The following CCDC3 variants were observed in gnomAD, a reference collection of about 807,000 sequenced individuals.
CCDC3 encodes the protein coiled-coil domain-containing protein 3.
CCDC3 carries 24 observed loss-of-function variants against 21.4 expected under a neutral mutation model. The ratio of observed to expected loss-of-function variants is 1.12; its 90% CI spans 0.81 to 1.58. CCDC3 has a LOEUF of 1.58. Among genes scored for constraint, CCDC3 ranks in the 40% most tolerant of loss-of-function variants. The pLI is 0.00. For missense variants in CCDC3, 425 were observed against 360.9 expected, an observed-to-expected ratio of 1.18 and a Z score of -1.44; for synonymous variants, 186 against 166.0, an observed-to-expected ratio of 1.12 and a Z score of -0.93.
chr10:13,085,347 T>C (rs970060303), intron 3 of CCDC3, among the ~76,000 whole-genome samples: 2 of 152,184 alleles, frequency 1.3e-5, no homozygotes, highest in African/African-American at 4.8e-5. Flanking sequence ...ATGCCAGAAA[T>C]AGAAATGGCT....
chr10:13,074,629 T>C (rs2131442905), intron 3 of CCDC3, among the ~76,000 whole-genome samples: 2 of 152,012 alleles, frequency 1.3e-5, no homozygotes, highest in African/African-American at 4.8e-5. Context: ...ACTTTCTCCT[T>C]ACCCTTGTTA....
chr10:12,928,939 AG>A (rs1266418187), intron 2 of CCDC3, among the ~76,000 whole-genome samples: 1 of 152,128 alleles, frequency 6.6e-6, no homozygotes, highest in Non-Finnish European at 1.5e-5. Flanking sequence ...CCTGGAGGTA[AG>A]GGTCTGGGCA....
intron 4 of CCDC3, among the ~76,000 whole-genome samples, chr10:13,062,625 G>A (rs1256225027): frequency 2.0e-5 from 3 of 152,124 alleles, no homozygotes; most frequent in Non-Finnish European, 4.4e-5. Flanking sequence ...TCGTTCCTGG[G>A]GGTAGGCTGA....
intron 2 of CCDC3, among the ~76,000 whole-genome samples, chr10:12,933,931 TTTCA>T (rs1382828014): frequency 6.8e-6 from 1 of 147,996 alleles, no homozygotes; most frequent in Non-Finnish European, 1.5e-5. Context: ...CTGTTTTCAC[TTTCA>T]TTGATTTCTT....
Position 12,940,772 on chromosome 10 carries a change from T to C in CCDC3, c.550-42093A>G, listed in dbSNP as rs368994305. Among the ~76,000 whole-genome samples the C allele has an allele frequency of 3.9e-5, 6 of 152,196 alleles. No homozygotes were observed. The East Asian group carries it at 7.7e-4, about 20-fold the overall frequency. The stretch of plus-strand genomic sequence containing the variant: ...ATTAAGTGAGAAAGAGCCTATAGCC[T>C]AACCCTCCATGTTCCAAGTTCTGCA... On this transcript the variant is annotated intron_variant, in intron 2 of 2. Coordinates refer to ENST00000378825, the MANE Select transcript of CCDC3 (RefSeq NM_031455.4).
intron 5 of CCDC3, among the ~76,000 whole-genome samples, chr10:13,025,882 T>C (rs759754927): frequency 1.4e-4 from 21 of 152,148 alleles, no homozygotes; most frequent in Non-Finnish European, 2.2e-4. Context: ...CTGACAAATA[T>C]CTTTTTTAAA....
At chr10:12,925,460 C>T (rs1008321725) in intron 2 of CCDC3, among the ~76,000 whole-genome samples, 13 of 152,230 alleles carry the variant, frequency 8.5e-5, no homozygotes, top group African/African-American at 3.1e-4. Flanking sequence ...TCTCCCCCAG[C>T]GAAGGCAAAC....
At chr10:13,046,363 G>A (rs981415189) in intron 5 of CCDC3, among the ~76,000 whole-genome samples, 6 of 150,624 alleles carry the variant, frequency 4.0e-5, no homozygotes, top group African/African-American at 7.3e-5. Context: ...CCGTGATCGC[G>A]TCACTTCATT....
chr10:13,023,582 T>C (rs1010832504), intron 5 of CCDC3, among the ~76,000 whole-genome samples: 2 of 152,080 alleles, frequency 1.3e-5, no homozygotes, highest in African/African-American at 4.8e-5. Context: ...CTAAAGCTAG[T>C]CACGTGGCCA....
chr10:13,074,165 T>TA (rs2131442402), intron 3 of CCDC3: 1 of 131,086 alleles, frequency 7.6e-6, no homozygotes, highest in African/African-American at 2.9e-5. Flanking sequence ...TTTTTTTTTT[T>TA]TTTTTTTTTG....
At chr10:13,044,233 T>G (rs1018981479) in intron 5 of CCDC3, among the ~76,000 whole-genome samples, 1 of 152,248 alleles carries the variant, frequency 6.6e-6, no homozygotes, top group African/African-American at 2.4e-5. Flanking sequence ...ATTGTTTAAG[T>G]TCCTTATAGA....
At chr10:13,098,709 G>GTTTTTTTTTTT (rs1564348313) in intron 2 of CCDC3, 4 of 59,500 alleles carry the variant, frequency 6.7e-5, no homozygotes, top group Admixed American at 2.6e-4. Flanking sequence ...TTCCTGCACT[G>GTTTTTTTTTTT]ATTTTTTTTT....
At chr10:12,908,056 G>C (rs940391797) in intron 2 of CCDC3, among the ~76,000 whole-genome samples, 2 of 152,168 alleles carry the variant, frequency 1.3e-5, no homozygotes, top group African/African-American at 4.8e-5. Context: ...AGGAAACATT[G>C]AGCTGTCTTG....
intron 2 of CCDC3, among the ~76,000 whole-genome samples, chr10:12,993,332 C>T (rs963782774): frequency 2.0e-5 from 3 of 152,188 alleles, no homozygotes; most frequent in African/African-American, 7.2e-5. Context: ...GGGGATCTGC[C>T]CACGGTCATT....
At chr10:13,030,117 A>T (rs760454442) in intron 5 of CCDC3, among the ~76,000 whole-genome samples, 1 of 152,224 alleles carries the variant, frequency 6.6e-6, no homozygotes, top group Non-Finnish European at 1.5e-5. Context: ...CACAAAGGGA[A>T]ACCCATCAGA....
chr10:12,907,700 G>C (rs191253252), intron 2 of CCDC3, among the ~76,000 whole-genome samples: 1 of 152,154 alleles, frequency 6.6e-6, no homozygotes. Context: ...AGATCTGGGA[G>C]CTGGATTTAA....
intron 4 of CCDC3, among the ~76,000 whole-genome samples, chr10:13,060,269 T>A (rs1196691060): frequency 1.3e-5 from 2 of 152,230 alleles, no homozygotes; most frequent in East Asian, 3.9e-4. Context: ...TGTCTGGGAA[T>A]TCGTGCTTTC....
At chr10:12,922,307 G>T (rs891494270) in intron 2 of CCDC3, among the ~76,000 whole-genome samples, 5 of 152,060 alleles carry the variant, frequency 3.3e-5, no homozygotes, top group African/African-American at 9.7e-5. Context: ...GCAGACCTGG[G>T]TGGGAGCTCC....
intron 5 of CCDC3, among the ~76,000 whole-genome samples, chr10:13,028,981 T>C (rs1396202762): frequency 6.6e-6 from 1 of 152,168 alleles, no homozygotes; most frequent in Non-Finnish European, 1.5e-5. Context: ...GCTTATTTGA[T>C]CAGTGAATGA....
Sources: allele counts gnomAD v4.1 joint callset (sites outside exome capture counted in the v4.1 genomes callset), GRCh38; gene constraint gnomAD v4.1.1; transcripts MANE v1.5; gene names NCBI Gene and HGNC (gene_info 2026-07-23, HGNC 2026-07-21).